The following CPA6 variants were observed in gnomAD, a reference collection of about 807,000 sequenced individuals.
The protein encoded by CPA6 is carboxypeptidase B.
A neutral mutation model predicts 63.3 loss-of-function variants in CPA6; 58 were observed. The observed-to-expected ratio is 0.92, with a 90% CI of 0.74 to 1.14. CPA6 has a LOEUF of 1.14. Among genes scored for constraint, CPA6 ranks in the 50% most tolerant of loss-of-function variants. CPA6 has a pLI of 0.00. For synonymous variants in CPA6, 185 were observed against 179.0 expected (o/e 1.03, Z -0.27); for missense variants, 565 against 526.6 (o/e 1.07, Z -0.71).
At chr8:67,602,010 T>C (rs1363793889) in intron 2 of CPA6, among the ~76,000 whole-genome samples, 1 of 152,168 alleles carries the variant, frequency 6.6e-6, no homozygotes, top group African/African-American at 2.4e-5. Context: ...TCTATGGCAA[T>C]AGAAGAACAT....
chr8:67,438,231 C>T (rs950476822), intron 8 of CPA6, among the ~76,000 whole-genome samples: 2 of 151,988 alleles, frequency 1.3e-5, no homozygotes, highest in Non-Finnish European at 2.9e-5. Flanking sequence ...AATGTCTCCA[C>T]AATTAAGGAA....
rs78502279 is a variant in CPA6, at chr8:67,501,650, A to G, written c.636+5137T>C. 3.9e-5 allele frequency among the ~76,000 whole-genome samples: 6 copies of G among 152,272 alleles called. No homozygotes were observed. In the East Asian group the frequency reaches 9.6e-4, roughly 24 times the overall value. Reference sequence around the variant, plus strand: ...TTATTTTTCTTGATTGCTAAATTCTATCCATTAATACTTTATTCAGGATTT... The same window carrying G: ...TTATTTTTCTTGATTGCTAAATTCTGTCCATTAATACTTTATTCAGGATTT... On this transcript the variant is annotated intron_variant, in intron 6 of 10. Coordinates refer to ENST00000297770, the MANE Select transcript of CPA6 (RefSeq NM_020361.5).
intron 2 of CPA6, among the ~76,000 whole-genome samples, chr8:67,578,265 T>C (rs1006384734): frequency 6.6e-6 from 1 of 152,148 alleles, no homozygotes; most frequent in African/African-American, 2.4e-5. Flanking sequence ...GCAGAAGATA[T>C]TTCTCAAATT....
chr8:67,681,195 A>ATTTTTTTTTTTTTTTT (rs1554533441), intron 1 of CPA6, among the ~76,000 whole-genome samples: 19 of 97,126 alleles, frequency 2.0e-4, no homozygotes, highest in African/African-American at 3.6e-4. Context: ...GGTCACAAAG[A>ATTTTTTTTTTTTTTTT]TTTTCTTTTT....
chr8:67,579,479 C>T (rs1587589883), intron 2 of CPA6, among the ~76,000 whole-genome samples: 1 of 152,134 alleles, frequency 6.6e-6, no homozygotes, highest in Non-Finnish European at 1.5e-5. Flanking sequence ...CCGACTAATC[C>T]ATCAGATTAT....
At chr8:67,550,436 T>G (rs1354060550) in intron 2 of CPA6, among the ~76,000 whole-genome samples, 1 of 152,236 alleles carries the variant, frequency 6.6e-6, no homozygotes, top group African/African-American at 2.4e-5. Context: ...CTTTATTCAA[T>G]CCACCATTGA....
chr8:67,541,936 C>T (rs1229415908), intron 2 of CPA6, among the ~76,000 whole-genome samples: 2 of 152,222 alleles, frequency 1.3e-5, no homozygotes, highest in East Asian at 3.9e-4. Context: ...GAGAGCTGTT[C>T]CTATTTGGGC....
chr8:67,444,849 G>A (rs16933306), intron 8 of CPA6, among the ~76,000 whole-genome samples: 6,999 of 151,956 alleles, frequency 0.046, 527 homozygotes, highest in African/African-American at 0.16. Flanking sequence ...ATTTAAAAGA[G>A]GCAAGGAGTA....
At chr8:67,679,410 A>G (rs1028564914) in intron 1 of CPA6, among the ~76,000 whole-genome samples, 5 of 152,204 alleles carry the variant, frequency 3.3e-5, no homozygotes, top group African/African-American at 7.2e-5. Flanking sequence ...TTGAGGCAAA[A>G]TGCTTCTAGT....
At chr8:67,636,437 T>G (rs1815470464) in intron 1 of CPA6, among the ~76,000 whole-genome samples, 1 of 151,606 alleles carries the variant, frequency 6.6e-6, no homozygotes, top group African/African-American at 2.4e-5. Context: ...ACAGTAAGTT[T>G]ACTTTGGATA....
chr8:67,542,145 C>T (rs1236047740), intron 2 of CPA6, among the ~76,000 whole-genome samples: 1 of 152,166 alleles, frequency 6.6e-6, no homozygotes, highest in African/African-American at 2.4e-5. Flanking sequence ...TGTCAAGGGC[C>T]CTGGGTTGGG....
intron 1 of CPA6, among the ~76,000 whole-genome samples, chr8:67,699,432 CA>C (rs1272412828): frequency 6.6e-6 from 1 of 150,402 alleles, no homozygotes; most frequent in Non-Finnish European, 1.5e-5. Context: ...GACTCTGTCT[CA>C]AAACAAAACA....
intron 1 of CPA6, among the ~76,000 whole-genome samples, chr8:67,673,385 T>TTATTATTATTTA (rs1251575325): frequency 7.5e-6 from 1 of 133,248 alleles, no homozygotes; most frequent in African/African-American, 3.3e-5. Flanking sequence ...TTATTATTTA[T>TTATTATTATTTA]TTATTTTTTT....
At chr8:67,558,560 A>G (rs1018675235) in intron 2 of CPA6, among the ~76,000 whole-genome samples, 1 of 152,224 alleles carries the variant, frequency 6.6e-6, no homozygotes, top group African/African-American at 2.4e-5. Flanking sequence ...TAAATATATA[A>G]CTTCTATTGT....
intron 8 of CPA6, among the ~76,000 whole-genome samples, chr8:67,447,809 G>A (rs566085977): frequency 4.6e-5 from 7 of 151,956 alleles, no homozygotes; most frequent in Admixed American, 1.3e-4. Flanking sequence ...TTTTGAGACA[G>A]AGTCTTGCTC....
chr8:67,673,868 T>C (rs1816410397), intron 1 of CPA6, among the ~76,000 whole-genome samples: 1 of 152,188 alleles, frequency 6.6e-6, no homozygotes, highest in Non-Finnish European at 1.5e-5. Context: ...AAATGGCTTC[T>C]CCTTCAAGAA....
intron 6 of CPA6, among the ~76,000 whole-genome samples, chr8:67,488,470 T>A (rs1017285262): frequency 5.3e-5 from 8 of 152,226 alleles, no homozygotes; most frequent in Admixed American, 2.0e-4. Flanking sequence ...GTAGTACAGT[T>A]TGAAGTCAGG....
chr8:67,742,143 T>TGC (rs773680586), intron 1 of CPA6, among the ~76,000 whole-genome samples: 15 of 151,816 alleles, frequency 9.9e-5, no homozygotes, highest in South Asian at 2.1e-4. Context: ...TGTGTGTGTG[T>TGC]GCGCGTGTGT....
chr8:67,494,209 T>A (rs1477483209), intron 6 of CPA6, among the ~76,000 whole-genome samples: 1 of 152,170 alleles, frequency 6.6e-6, no homozygotes, highest in Non-Finnish European at 1.5e-5. Context: ...ATGCTGGTTT[T>A]TTTTTTAAAC....
Sources: gnomAD v4.1 joint callset for allele counts (sites outside exome capture counted in the v4.1 genomes callset) on GRCh38, gnomAD v4.1.1 for gene constraint, MANE v1.5 for transcripts, NCBI Gene and HGNC (gene_info 2026-07-23, HGNC 2026-07-21) for gene names.